Variants in VTI1A observed in about 807,000 individuals in gnomAD.
VTI1A encodes the protein vesicle transport through interaction with t-SNAREs 1A.
VTI1A carries 22 observed loss-of-function variants against 34.9 expected under a neutral mutation model. The observed-to-expected ratio is 0.63, with a 90% CI of 0.45 to 0.90. The LOEUF (loss-of-function observed/expected upper bound fraction) is 0.90, where lower values mean the gene tolerates loss of function less well. Ranked by LOEUF, VTI1A falls within the 40% of genes least tolerant of loss-of-function variation. The pLI, the probability that VTI1A is intolerant of heterozygous loss-of-function variation, is 0.00. For synonymous variants in VTI1A, 87 were observed against 97.3 expected (o/e 0.89, Z 0.62); for missense variants, 268 against 275.6 (o/e 0.97, Z 0.20).
At chr10:112,614,907 T>A (rs978910351) in intron 5 of VTI1A, among the ~76,000 whole-genome samples, 1 of 152,172 alleles carries the variant, frequency 6.6e-6, no homozygotes, top group African/African-American at 2.4e-5. Flanking sequence ...TGCCGTTATT[T>A]TTTTTTCTTT....
chr10:112,519,680 G>A (rs937412358), intron 3 of VTI1A, among the ~76,000 whole-genome samples: 6 of 151,984 alleles, frequency 3.9e-5, no homozygotes, highest in African/African-American at 1.4e-4. Flanking sequence ...TGAGGAATGG[G>A]GTTCTGTCCT....
chr10:112,773,567 A>G (rs961928436), intron 7 of VTI1A, among the ~76,000 whole-genome samples: 4 of 151,518 alleles, frequency 2.6e-5, no homozygotes, highest in Non-Finnish European at 4.4e-5. Context: ...ACACACCTCA[A>G]CTCGGCTAAG....
intron 5 of VTI1A, among the ~76,000 whole-genome samples, chr10:112,641,410 G>T (rs117009637): frequency 6.6e-6 from 1 of 152,032 alleles, no homozygotes; most frequent in Non-Finnish European, 1.5e-5. Context: ...TTCCCCACTC[G>T]CCGCGGCTAG....
intron 7 of VTI1A, among the ~76,000 whole-genome samples, chr10:112,701,559 G>C (rs1490744064): frequency 6.6e-6 from 1 of 152,164 alleles, no homozygotes; most frequent in African/African-American, 2.4e-5. Flanking sequence ...TTTTAATGTA[G>C]TATTTGCCAA....
intron 5 of VTI1A, among the ~76,000 whole-genome samples, chr10:112,643,402 TA>T (rs1564862829): frequency 6.6e-6 from 1 of 152,142 alleles, no homozygotes. Context: ...AGTAAATCTT[TA>T]AAATTTTAGC....
chr10:112,538,559 G>A, intron 5 of VTI1A: 1 of 432,790 alleles, frequency 2.3e-6, no homozygotes, highest in Non-Finnish European at 4.1e-6. Flanking sequence ...TCTGAAAAGA[G>A]ATGGAATACT....
chr10:112,667,549 C>T (rs748325547), intron 5 of VTI1A, among the ~76,000 whole-genome samples: 2 of 152,132 alleles, frequency 1.3e-5, no homozygotes, highest in Admixed American at 1.3e-4. Context: ...TTGCCTATAA[C>T]AGTATAAGGG....
At chr10:112,449,455 C>G (rs1455784990) in intron 1 of VTI1A, 5 of 152,096 alleles carry the variant, frequency 3.3e-5, no homozygotes, top group Non-Finnish European at 5.9e-5. Flanking sequence ...GAATTCAGTA[C>G]CTTAAAAATA....
At chr10:112,593,728 CT>C (rs1388311014) in intron 5 of VTI1A, among the ~76,000 whole-genome samples, 2 of 151,806 alleles carry the variant, frequency 1.3e-5, no homozygotes, top group Non-Finnish European at 1.5e-5. Flanking sequence ...TGGTCTCCAT[CT>C]TTTTTTTATT....
the VTI1A span, among the ~76,000 whole-genome samples, chr10:112,830,821 T>TTATATATATATATA: frequency 1.7e-5 from 1 of 60,260 alleles, no homozygotes; most frequent in Admixed American, 2.2e-4. Flanking sequence ...CCTAAAACCC[T>TTATATATATATATA]CATATATATA....
the VTI1A span, among the ~76,000 whole-genome samples, chr10:112,840,035 G>A: frequency 6.6e-5 from 10 of 152,124 alleles, no homozygotes; most frequent in Non-Finnish European, 8.8e-5. Context: ...CACAAATGGA[G>A]GAGGGCCAGG....
chr10:112,796,867 C>T (rs1436804331), intron 7 of VTI1A, among the ~76,000 whole-genome samples: 2 of 152,150 alleles, frequency 1.3e-5, no homozygotes, highest in East Asian at 1.9e-4. Context: ...CCCAAGATTT[C>T]TCTGAACCAG....
chr10:112,621,525 G>A (rs1272548238), intron 5 of VTI1A, among the ~76,000 whole-genome samples: 1 of 152,016 alleles, frequency 6.6e-6, no homozygotes, highest in Non-Finnish European at 1.5e-5. Flanking sequence ...AGAACTTAAG[G>A]TTAAGTGACT....
chr10:112,594,716 G>A (rs1020577356), intron 5 of VTI1A, among the ~76,000 whole-genome samples: 84 of 151,954 alleles, frequency 5.5e-4, no homozygotes, highest in Non-Finnish European at 8.5e-4. Context: ...AATCAACATC[G>A]TGAAAATGGC....
intron 7 of VTI1A, among the ~76,000 whole-genome samples, chr10:112,685,938 A>G (rs1316606068): frequency 6.6e-6 from 1 of 152,102 alleles, no homozygotes; most frequent in Non-Finnish European, 1.5e-5. Flanking sequence ...CCCTGCCACC[A>G]CCACAAAAAA....
At chr10:112,656,873 A>G (rs753460587) in intron 5 of VTI1A, among the ~76,000 whole-genome samples, 2 of 152,114 alleles carry the variant, frequency 1.3e-5, no homozygotes, top group Non-Finnish European at 2.9e-5. Flanking sequence ...TGATTGGATG[A>G]TGGAGGTGGT....
At chr10:112,598,205 C>G (rs1020636921) in intron 5 of VTI1A, among the ~76,000 whole-genome samples, 6 of 152,190 alleles carry the variant, frequency 3.9e-5, no homozygotes, top group Non-Finnish European at 8.8e-5. Context: ...TTGCAGTAAA[C>G]TCTTGGGCAC....
intron 7 of VTI1A, among the ~76,000 whole-genome samples, chr10:112,777,844 T>C (rs2134032235): frequency 6.6e-6 from 1 of 152,366 alleles, no homozygotes; most frequent in Non-Finnish European, 1.5e-5. Context: ...GGCTCACGCC[T>C]GTAATCCTAG....
intron 5 of VTI1A, among the ~76,000 whole-genome samples, chr10:112,593,727 TC>T (rs940609496): frequency 5.3e-5 from 8 of 152,098 alleles, no homozygotes; most frequent in Non-Finnish European, 1.2e-4. Context: ...GTGGTCTCCA[TC>T]TTTTTTTTAT....
Sources: allele counts gnomAD v4.1 joint callset (sites outside exome capture counted in the v4.1 genomes callset), GRCh38; gene constraint gnomAD v4.1.1; transcripts MANE v1.5; gene names NCBI Gene and HGNC (gene_info 2026-07-23, HGNC 2026-07-21).